Variants in CHL1 observed in about 807,000 individuals in gnomAD.
CHL1 encodes the protein neural cell adhesion molecule L1-like protein.
In CHL1, 96 loss-of-function variants were observed where a neutral mutation model predicts 141.9. The ratio of observed to expected loss-of-function variants is 0.68; its 90% CI spans 0.57 to 0.80. The LOEUF (loss-of-function observed/expected upper bound fraction) is 0.80, where lower values mean the gene tolerates loss of function less well. Among genes scored for constraint, CHL1 ranks in the 30% least tolerant of loss-of-function variants. The probability of loss-of-function intolerance (pLI) is 0.00; values close to 1 mark genes in which losing one functional copy is unlikely to be tolerated. For synonymous variants in CHL1, 613 were observed against 502.2 expected (o/e 1.22, Z -2.95); for missense variants, 1,820 against 1,457.2 (o/e 1.25, Z -4.05).
chr3:397,559 A>T (rs1708780622), intron 24 of CHL1, among the ~76,000 whole-genome samples: 2 of 152,152 alleles, frequency 1.3e-5, no homozygotes, highest in African/African-American at 4.8e-5. Context: ...TGGTAAGACA[A>T]GAAGTTAACA....
intron 18 of CHL1, among the ~76,000 whole-genome samples, chr3:383,499 TA>T (rs200468339): frequency 2.0e-5 from 3 of 152,046 alleles, no homozygotes; most frequent in African/African-American, 4.8e-5. Context: ...AATTTTTTTT[TA>T]AAAAAGCAGG....
chr3:350,002 T>C (rs1380026590), intron 10 of CHL1, among the ~76,000 whole-genome samples: 4 of 152,194 alleles, frequency 2.6e-5, no homozygotes, highest in Non-Finnish European at 5.9e-5. Context: ...ACCAAAGAAG[T>C]GAAAGAGGCA....
intron 2 of CHL1, among the ~76,000 whole-genome samples, chr3:263,741 A>G (rs1694927607): frequency 6.6e-6 from 1 of 152,176 alleles, no homozygotes; most frequent in African/African-American, 2.4e-5. Flanking sequence ...TTAGATTTTT[A>G]TAGCTCTTCG....
intron 1 of CHL1, among the ~76,000 whole-genome samples, chr3:217,944 A>G (rs1321748163): frequency 1.3e-5 from 2 of 152,168 alleles, no homozygotes; most frequent in Non-Finnish European, 2.9e-5. Flanking sequence ...TTAGGCTTGA[A>G]TGAGGATGTG....
intron 11 of CHL1, among the ~76,000 whole-genome samples, chr3:359,199 T>C (rs1377044134): frequency 1.3e-5 from 2 of 151,898 alleles, no homozygotes; most frequent in East Asian, 3.9e-4. Flanking sequence ...TGCTGATCCA[T>C]CGAGTTCTGA....
chr3:314,297 CACTCTCTCTCTT>C (rs1316460651), intron 2 of CHL1, among the ~76,000 whole-genome samples: 1 of 100,780 alleles, frequency 9.9e-6, no homozygotes, highest in African/African-American at 5.2e-5. Flanking sequence ...CCCAATCTTG[CACTCTCTCTCTT>C]TCTCTCTCTC....
intron 27 of CHL1, among the ~76,000 whole-genome samples, chr3:404,123 G>A (rs1319070155): frequency 6.6e-6 from 1 of 152,180 alleles, no homozygotes; most frequent in Non-Finnish European, 1.5e-5. Context: ...GCTGGTGGAC[G>A]AGCATCCAGG....
intron 1 of CHL1, among the ~76,000 whole-genome samples, chr3:239,247 A>C (rs1404559254): frequency 6.6e-6 from 1 of 152,192 alleles, no homozygotes; most frequent in Non-Finnish European, 1.5e-5. Context: ...AGTGCTAAGC[A>C]ATTTTTGCAT....
chr3:401,731 C>T (rs1709152050), intron 27 of CHL1, 33 bp downstream of exon 27: 1 of 1,216,926 alleles, frequency 8.2e-7, no homozygotes, highest in Non-Finnish European at 1.2e-6. Context: ...AAATAAAACA[C>T]ATATTCATCA....
At chr3:233,962 A>G (rs1230053876) in intron 1 of CHL1, among the ~76,000 whole-genome samples, 2 of 152,178 alleles carry the variant, frequency 1.3e-5, no homozygotes, top group African/African-American at 2.4e-5. Flanking sequence ...CCAAATGAAC[A>G]TAAAAATCTA....
At chr3:355,961 G>A (rs929604851) in intron 11 of CHL1, among the ~76,000 whole-genome samples, 9 of 152,132 alleles carry the variant, frequency 5.9e-5, no homozygotes, top group African/African-American at 2.2e-4. Context: ...AAATAACACT[G>A]ACTCACGGGG....
chr3:354,891 C>A, intron 11 of CHL1, 120 bp downstream of exon 11: 2 of 1,214,778 alleles, frequency 1.6e-6, no homozygotes, highest in Non-Finnish European at 1.1e-6. Flanking sequence ...CAGATACAAC[C>A]AGCAAATCAG....
rs1709692364 is a variant in CHL1 at position 408,875 on chromosome 3, T to C, written c.*3164T>C. ...TTGATATTTTAGATGCACCCGTGTT[T>C]GTAAAAATGTAGAGCACAATGGAAT... On this transcript the variant is annotated 3_prime_UTR_variant, in exon 28 of 28. Transcript: ENST00000256509. The C allele has an allele frequency of 6.6e-6, 1 of 152,116 alleles. No individual in the cohort carries two copies. Among genetic ancestry groups the C allele is most frequent in the African/African-American group, 2.4e-5 (1 of 41,430 alleles). 9.4% of individuals were successfully genotyped at this position (152,116 alleles called of 1,614,324 possible).
intron 1 of CHL1, among the ~76,000 whole-genome samples, chr3:232,593 G>T (rs924642308): frequency 6.6e-6 from 1 of 151,888 alleles, no homozygotes; most frequent in Admixed American, 6.6e-5. Flanking sequence ...TTAGATGTTC[G>T]TACTTAGATA....
intron 2 of CHL1, among the ~76,000 whole-genome samples, chr3:252,108 A>C (rs1253866646): frequency 6.6e-6 from 1 of 151,892 alleles, no homozygotes; most frequent in East Asian, 1.9e-4. Context: ...AATATAGAAT[A>C]ATCTTTTGAA....
chr3:227,548 C>A (rs1406406605), intron 1 of CHL1, among the ~76,000 whole-genome samples: 1 of 152,120 alleles, frequency 6.6e-6, no homozygotes, highest in Non-Finnish European at 1.5e-5. Context: ...AAAAGGCATG[C>A]ATAGAAATCA....
At chr3:312,360 A>G (rs1699824270) in intron 2 of CHL1, among the ~76,000 whole-genome samples, 1 of 152,206 alleles carries the variant, frequency 6.6e-6, no homozygotes, top group Non-Finnish European at 1.5e-5. Context: ...GTTTGAATGG[A>G]TATGGCTATA....
chr3:222,168 C>A (rs976282533), intron 1 of CHL1, among the ~76,000 whole-genome samples: 3 of 152,104 alleles, frequency 2.0e-5, no homozygotes, highest in Non-Finnish European at 4.4e-5. Context: ...TGGCTTAAAC[C>A]AACATACCTT....
chr3:242,419 AC>A lies in CHL1; in HGVS notation c.-174-2190del, dbSNP rs1359350034. Among the ~76,000 whole-genome samples the A allele has an allele frequency of 2.2e-5, 3 of 137,984 alleles. No homozygotes were observed. The East Asian group carries it at 6.6e-4, about 31-fold the overall frequency. 90.5% of individuals were successfully genotyped at this position (137,984 alleles called of 152,430 possible). On this transcript the variant is annotated intron_variant, in intron 1 of 27. Transcript: ENST00000256509. ...AGACCATCCTGGCTAACACGGTGAA[AC>A]CCCGTCTCTACTAAAAATACAAAAA...
Sources: gnomAD v4.1 joint callset for allele counts (sites outside exome capture counted in the v4.1 genomes callset) on GRCh38, gnomAD v4.1.1 for gene constraint, MANE v1.5 for transcripts, NCBI Gene and HGNC (gene_info 2026-07-23, HGNC 2026-07-21) for gene names.